PLOD2: variants seen among roughly 807,000 people sequenced by gnomAD.
PLOD2 encodes the protein lysine hydroxylase 2.
Under a neutral mutation model 101.0 loss-of-function variants are expected in PLOD2, and 65 were observed. The ratio of observed to expected loss-of-function variants is 0.64; its 90% confidence interval spans 0.53 to 0.79. The LOEUF is 0.79. Ranked by LOEUF, PLOD2 falls within the 30% of genes least tolerant of loss-of-function variation. The pLI is 0.00. For missense variants in PLOD2, 909 were observed against 914.6 expected, an observed-to-expected ratio of 0.99 and a Z score of 0.08; for synonymous variants, 314 against 302.9, an observed-to-expected ratio of 1.04 and a Z score of -0.38.
At chr3:146,074,745 C>T (rs939461431) in intron 15 of PLOD2, among the ~76,000 whole-genome samples, 2 of 150,892 alleles carry the variant, frequency 1.3e-5, no homozygotes, top group African/African-American at 4.9e-5. Flanking sequence ...TATTTTAGGG[C>T]ATTAGTATTC....
intron 1 of PLOD2, among the ~76,000 whole-genome samples, chr3:146,127,273 C>T (rs558407274): frequency 8.5e-5 from 13 of 152,164 alleles, no homozygotes; most frequent in Middle Eastern, 3.4e-3. Context: ...ATCCATTACC[C>T]ACATAGTGAA....
Position 146,070,597 on chromosome 3 carries a change from G to A in PLOD2, c.*120C>T, listed in dbSNP as rs931159138. 6.2e-6 allele frequency: 4 copies of A among 643,404 alleles called. No homozygotes were observed. The highest frequency in any genetic ancestry group is 2.7e-6 in the Non-Finnish European group (1 of 374,078). 39.9% of individuals were successfully genotyped at this position (643,404 alleles called of 1,614,324 possible). On this transcript the variant is annotated 3_prime_UTR_variant, in exon 20 of 20. Coordinates refer to ENST00000282903, the MANE Select transcript of PLOD2 (RefSeq NM_182943.3). ...GTTTTTCAAATGTTTGGCCCAAAGT[G>A]AAGTTGTTCTGTTGATGTTATTTAA...
At chr3:146,151,497 CAA>C (rs35401598) in intron 1 of PLOD2, among the ~76,000 whole-genome samples, 3 of 137,768 alleles carry the variant, frequency 2.2e-5, no homozygotes, top group Non-Finnish European at 4.7e-5. Flanking sequence ...AACTCCGTTT[CAA>C]AAAAAAAAAA....
chr3:146,144,493 AAGAG>A (rs1559871296), intron 1 of PLOD2, among the ~76,000 whole-genome samples: 1 of 47,148 alleles, frequency 2.1e-5, no homozygotes, highest in African/African-American at 7.3e-5. Flanking sequence ...AAGAGACAGA[AAGAG>A]TACATATCTT....
chr3:146,090,487 C>G (rs1489842909), intron 8 of PLOD2, among the ~76,000 whole-genome samples: 1 of 151,406 alleles, frequency 6.6e-6, no homozygotes, highest in Non-Finnish European at 1.5e-5. Context: ...GGAAACGAAA[C>G]AGATAAAAAG....
rs923043273 is a variant in PLOD2 at position 146,081,757 on chromosome 3, T to G, written c.1339A>C (p.Ile447Leu). The change falls in exon 12 of 20, where the codon ATT (isoleucine) becomes CTT (leucine). Residue 447 changes from isoleucine (I) to leucine (L), a missense_variant. Physicochemically the swap from Ile to Leu is conservative, Grantham distance 5. Coordinates refer to ENST00000282903, the MANE Select transcript of PLOD2 (RefSeq NM_182943.3). ...ACTTACACTCTATTCCCTTGAACAATATCCACATAATCTTCAGATCGTGCA... is the reference window on the plus strand; with the variant it reads ...ACTTACACTCTATTCCCTTGAACAAGATCCACATAATCTTCAGATCGTGCA... ...YYARSEDYVD[I>L]VQGNRVGVWN... is the part of the protein sequence containing the mutation. The G allele has an allele frequency of 1.6e-5, 25 of 1,608,926 alleles. No homozygotes were observed. The highest frequency in any genetic ancestry group is 1.8e-5 in the Non-Finnish European group (21 of 1,175,612).
At position 146,109,068 on chromosome 3, in the gene PLOD2, T is replaced by C. The variant is rs139365476; in HGVS notation, c.502+1217A>G. ...TGGGTAGCCATATTAGGGAGAGGCT[T>C]TGACGGTTCACAAGCTGGAAATCTA... On this transcript the variant is annotated intron_variant, in intron 4 of 19. Transcript: ENST00000282903. Among the ~76,000 whole-genome samples, 10 of 152,270 alleles carry C rather than the reference T, an allele frequency of 6.6e-5. No individual in the cohort carries two copies. In the East Asian group the frequency reaches 1.9e-3, roughly 29 times the overall value.
At chr3:146,102,236 T>C (rs567754596) in intron 7 of PLOD2, among the ~76,000 whole-genome samples, 1 of 152,208 alleles carries the variant, frequency 6.6e-6, no homozygotes, top group Non-Finnish European at 1.5e-5. Context: ...GTCAATAACA[T>C]TTTTAGCAAG....
At chr3:146,075,487 TAAAAAAAAA>T (rs35706246) in intron 15 of PLOD2, among the ~76,000 whole-genome samples, 1 of 93,656 alleles carries the variant, frequency 1.1e-5, no homozygotes, top group African/African-American at 4.1e-5. Context: ...CTCAAATCTG[TAAAAAAAAA>T]AAAAAAAAAA....
intron 2 of PLOD2, chr3:146,123,339 C>A (rs1436013721): frequency 2.9e-6 from 3 of 1,028,666 alleles, no homozygotes; most frequent in Non-Finnish European, 3.7e-6. Flanking sequence ...TTAAAAAAAA[C>A]AAGTAAGTAA....
intron 1 of PLOD2, among the ~76,000 whole-genome samples, chr3:146,150,394 T>C (rs1388326103): frequency 2.0e-5 from 3 of 149,690 alleles, no homozygotes; most frequent in Non-Finnish European, 4.5e-5. Context: ...TACGTAGCCA[T>C]TAAAAAAAAA....
chr3:146,077,139 C>T, intron 14 of PLOD2: 1 of 1,142,136 alleles, frequency 8.8e-7, no homozygotes, highest in Non-Finnish European at 1.1e-6. Context: ...GAAGAATGGA[C>T]TGTTTTTGTC....
intron 3 of PLOD2, among the ~76,000 whole-genome samples, chr3:146,114,241 T>C (rs1371282439): frequency 6.8e-5 from 5 of 73,960 alleles, no homozygotes; most frequent in Admixed American, 6.4e-4. Flanking sequence ...TGATATTTTA[T>C]TGCCTCTGTG....
chr3:146,125,485 G>A (rs1350061030), intron 1 of PLOD2, among the ~76,000 whole-genome samples: 2 of 152,084 alleles, frequency 1.3e-5, no homozygotes, highest in African/African-American at 4.8e-5. Flanking sequence ...GGTAGGTCAT[G>A]CCTGTAATCT....
intron 3 of PLOD2, among the ~76,000 whole-genome samples, chr3:146,112,940 G>A (rs994898272): frequency 3.3e-5 from 5 of 151,318 alleles, no homozygotes; most frequent in Admixed American, 6.6e-5. Flanking sequence ...AAACCTGCAC[G>A]TTCTGCACAT....
chr3:146,114,860 G>A (rs777289528), intron 3 of PLOD2, among the ~76,000 whole-genome samples: 2 of 152,108 alleles, frequency 1.3e-5, no homozygotes, highest in Non-Finnish European at 2.9e-5. Flanking sequence ...GCCTAGAGAC[G>A]CATCAATCCC....
chr3:146,092,923 T>C (rs1937025461), intron 7 of PLOD2, among the ~76,000 whole-genome samples: 1 of 152,146 alleles, frequency 6.6e-6, no homozygotes, highest in Admixed American at 6.6e-5. Context: ...TTCCACAAAC[T>C]ATAATTTTGC....
chr3:146,092,651 C>A (rs1331396585), intron 7 of PLOD2, among the ~76,000 whole-genome samples: 10 of 151,748 alleles, frequency 6.6e-5, no homozygotes, highest in Admixed American at 6.6e-5. Flanking sequence ...TATTGGTATT[C>A]ATTTTAACTG....
chr3:146,097,827 A>AAT (rs1559847299), intron 7 of PLOD2, among the ~76,000 whole-genome samples: 11 of 34,518 alleles, frequency 3.2e-4, no homozygotes, highest in African/African-American at 8.7e-4. Flanking sequence ...ATAATAATAA[A>AAT]AAAAGAAAAT....
Sources: allele counts gnomAD v4.1 joint callset (sites outside exome capture counted in the v4.1 genomes callset), GRCh38; gene constraint gnomAD v4.1.1; transcripts MANE v1.5; gene names NCBI Gene and HGNC (gene_info 2026-07-23, HGNC 2026-07-21).